Variants in CHRM3 observed in about 807,000 individuals in gnomAD.
The protein encoded by CHRM3 is muscarinic acetylcholine receptor M3.
A neutral mutation model predicts 41.8 loss-of-function variants in CHRM3; 11 were observed. The observed-to-expected ratio is 0.26, with a 90% CI of 0.17 to 0.44. The LOEUF is 0.44. Among genes scored for constraint, CHRM3 ranks in the 20% least tolerant of loss-of-function variants. The pLI, the probability that CHRM3 is intolerant of heterozygous loss-of-function variation, is 1.00. For synonymous variants in CHRM3, 297 were observed against 301.4 expected, an observed-to-expected ratio of 0.99 and a Z score of 0.15; for missense variants, 571 against 745.4, an observed-to-expected ratio of 0.77 and a Z score of 2.72.
chr1:239,447,613 A>G (rs929542342), intron 1 of CHRM3, among the ~76,000 whole-genome samples: 5 of 152,166 alleles, frequency 3.3e-5, no homozygotes, highest in African/African-American at 1.2e-4. Flanking sequence ...ATCTCTACTA[A>G]AAATACAAAA....
intron 1 of CHRM3, among the ~76,000 whole-genome samples, chr1:239,406,897 C>T (rs1337791225): frequency 2.0e-5 from 3 of 152,126 alleles, no homozygotes; most frequent in Admixed American, 6.5e-5. Flanking sequence ...GTTGTCTGAG[C>T]CAAGTTGTTC....
intron 3 of CHRM3, among the ~76,000 whole-genome samples, chr1:239,562,451 A>G (rs925622989): frequency 1.3e-5 from 2 of 152,158 alleles, no homozygotes; most frequent in African/African-American, 4.8e-5. Flanking sequence ...CAAACTGTTA[A>G]CACTTCACCA....
chr1:239,649,110 C>A (rs1672012844), intron 4 of CHRM3, among the ~76,000 whole-genome samples: 1 of 152,064 alleles, frequency 6.6e-6, no homozygotes, highest in African/African-American at 2.4e-5. Context: ...GTGCTATTGT[C>A]TGAATGTTTC....
At chr1:239,585,776 TG>T (rs1464486485) in intron 3 of CHRM3, among the ~76,000 whole-genome samples, 1 of 152,156 alleles carries the variant, frequency 6.6e-6, no homozygotes, top group Non-Finnish European at 1.5e-5. Context: ...AGGGTTAACT[TG>T]GTTTGTAAAA....
intron 3 of CHRM3, among the ~76,000 whole-genome samples, chr1:239,623,366 G>C (rs549025375): frequency 3.1e-4 from 47 of 150,302 alleles, no homozygotes; most frequent in African/African-American, 1.0e-3. Context: ...TGCAGTGTTT[G>C]GTTTTTTGTC....
At chr1:239,698,955 T>G in intron 5 of CHRM3, among the ~76,000 whole-genome samples, 1 of 152,174 alleles carries the variant, frequency 6.6e-6, no homozygotes. Flanking sequence ...AGCATAATTC[T>G]AAAACTGTAT....
At position 239,780,971 on chromosome 1, in the gene CHRM3, ATCTG is replaced by A. The variant is rs144369520; in HGVS notation, c.-146-46274_-146-46271del. The stretch of plus-strand genomic sequence containing the variant: ...CTGGGCTCTCTATTTTGTTTTATTA[ATCTG>A]TCTGTCCTTTCACCAATAGAACACT... On this transcript the variant is annotated intron_variant, in intron 5 of 6. Transcript: ENST00000676153. Among the ~76,000 whole-genome samples, 499 of 152,150 alleles carry A rather than the reference ATCTG, an allele frequency of 3.3e-3. 5 individuals carry two copies. The highest frequency in any genetic ancestry group is 0.011 in the African/African-American group (476 of 41,526).
At chr1:239,636,346 A>G (rs1434364488) in intron 4 of CHRM3, among the ~76,000 whole-genome samples, 1 of 152,250 alleles carries the variant, frequency 6.6e-6, no homozygotes, top group African/African-American at 2.4e-5. Context: ...CCGTGAAACA[A>G]AAGTCAGTCA....
intron 5 of CHRM3, among the ~76,000 whole-genome samples, chr1:239,822,934 T>C (rs1214633292): frequency 6.6e-6 from 1 of 152,062 alleles, no homozygotes; most frequent in African/African-American, 2.4e-5. Flanking sequence ...GCACTTGTAA[T>C]TTCCCCACAG....
chr1:239,538,776 A>G (rs889601966), intron 2 of CHRM3, among the ~76,000 whole-genome samples: 16 of 152,200 alleles, frequency 1.1e-4, no homozygotes, highest in African/African-American at 3.9e-4. Flanking sequence ...ACACACATAT[A>G]AACCTACCCA....
chr1:239,393,162 C>A (rs1263105730), intron 1 of CHRM3, among the ~76,000 whole-genome samples: 1 of 152,042 alleles, frequency 6.6e-6, no homozygotes, highest in East Asian at 1.9e-4. Context: ...CATAGCAAGA[C>A]CCCCATCTCT....
intron 3 of CHRM3, among the ~76,000 whole-genome samples, chr1:239,592,132 A>G (rs1366094701): frequency 6.6e-6 from 1 of 152,192 alleles, no homozygotes; most frequent in Admixed American, 6.5e-5. Flanking sequence ...AGGCCTTCTC[A>G]CCATGTCTTC....
chr1:239,769,579 C>T (rs948757175), intron 5 of CHRM3, among the ~76,000 whole-genome samples: 1 of 152,138 alleles, frequency 6.6e-6, no homozygotes, highest in Non-Finnish European at 1.5e-5. Flanking sequence ...TCAGTAAATG[C>T]ATCCATTTTC....
chr1:239,519,741 CTTTTTTTTTT>C (rs386370161), intron 2 of CHRM3, among the ~76,000 whole-genome samples: 1 of 85,066 alleles, frequency 1.2e-5, no homozygotes, highest in South Asian at 5.0e-4. Context: ...AAAACTAGTT[CTTTTTTTTTT>C]TTTTTTTTTT....
At chr1:239,859,819 TTA>T (rs55700294) in intron 6 of CHRM3, among the ~76,000 whole-genome samples, 2,122 of 131,362 alleles carry the variant, frequency 0.016, 55 homozygotes, top group African/African-American at 0.055. Flanking sequence ...TCTAAGTGTT[TTA>T]TATATATATA....
At chr1:239,621,373 G>C (rs1668342758) in intron 3 of CHRM3, among the ~76,000 whole-genome samples, 1 of 152,148 alleles carries the variant, frequency 6.6e-6, no homozygotes, top group South Asian at 2.1e-4. Context: ...CAAGTGAAAG[G>C]AAGAGTTACA....
intron 1 of CHRM3, among the ~76,000 whole-genome samples, chr1:239,393,123 G>C (rs1262668383): frequency 1.3e-5 from 2 of 152,028 alleles, no homozygotes; most frequent in African/African-American, 4.8e-5. Context: ...TTGCACCTGT[G>C]AATAGCCACT....
chr1:239,517,020 T>A (rs1292725700), intron 2 of CHRM3, among the ~76,000 whole-genome samples: 1 of 152,176 alleles, frequency 6.6e-6, no homozygotes, highest in Non-Finnish European at 1.5e-5. Flanking sequence ...TACACCATGA[T>A]GAGTTGTATA....
intron 4 of CHRM3, among the ~76,000 whole-genome samples, chr1:239,668,033 C>T (rs76694301): frequency 0.036 from 4,800 of 133,498 alleles, 114 homozygotes; most frequent in Admixed American, 0.064. Context: ...AAAGTGTTCT[C>T]TTTTTTTTAT....
Sources: gnomAD v4.1 joint callset for allele counts (sites outside exome capture counted in the v4.1 genomes callset) on GRCh38, gnomAD v4.1.1 for gene constraint, MANE v1.5 for transcripts, NCBI Gene and HGNC (gene_info 2026-07-23, HGNC 2026-07-21) for gene names.